The following COL6A6 variants were observed in gnomAD, a reference collection of about 807,000 sequenced individuals.
The protein encoded by COL6A6 is collagen alpha-6(VI) chain.
Under a neutral mutation model 208.6 loss-of-function variants are expected in COL6A6, and 183 were observed. That is an observed-to-expected ratio of 0.88 (90% CI 0.78 to 0.99). The LOEUF (loss-of-function observed/expected upper bound fraction) is 0.99. COL6A6 is among the 50% of genes least tolerant of loss of function. The probability of loss-of-function intolerance (pLI) is 0.00; values close to 1 mark genes in which losing one functional copy is unlikely to be tolerated. For synonymous variants in COL6A6, 973 were observed against 1,011.8 expected, an observed-to-expected ratio of 0.96 and a Z score of 0.73; for missense variants, 2,816 against 2,815.2, an observed-to-expected ratio of 1.00 and a Z score of -0.01.
intron 1 of COL6A6, among the ~76,000 whole-genome samples, chr3:130,522,172 G>C (rs936276163): frequency 2.0e-5 from 3 of 152,148 alleles, no homozygotes; most frequent in African/African-American, 7.2e-5. Context: ...TGGAATTCTT[G>C]CTTTCCACAG....
In COL6A6 at chr3:130,574,328, A is replaced by C. The variant is rs770423708; in HGVS notation, c.3350A>C (p.Glu1117Ala). Reference sequence around the variant, plus strand: ...CTTACAGATGGCCAGTCCCAAGACGAGGTGGCCCAGGCCGCGGAAGCCCTG... The same window carrying C: ...CTTACAGATGGCCAGTCCCAAGACGCGGTGGCCCAGGCCGCGGAAGCCCTG... ...LVLTDGQSQDEVAQAAEALRH... is the reference protein window; with the variant it reads ...LVLTDGQSQDAVAQAAEALRH... The change falls in exon 8 of 37, where the codon GAG becomes GCG. Residue 1117 changes from glutamate to alanine, a missense_variant. Transcript: ENST00000358511. The C allele has an allele frequency of 5.7e-5, 92 of 1,613,890 alleles. No homozygotes were observed. Among genetic ancestry groups the C allele is most frequent in the Non-Finnish European group, 7.5e-5 (89 of 1,179,894 alleles).
At chr3:130,637,651 A>G (rs2065196807) in intron 28 of COL6A6, among the ~76,000 whole-genome samples, 1 of 152,220 alleles carries the variant, frequency 6.6e-6, no homozygotes, top group Non-Finnish European at 1.5e-5. Flanking sequence ...TAAAACTTCA[A>G]CTTAAATTCT....
rs1453258881 is a variant in COL6A6, at chr3:130,592,617, G to A, written c.4344+5G>A. ...TATGGCACCAAAGGTCCTAAGGTAAGGATTGCATAAGAGTGTGGAGTTTTC... is the reference window on the plus strand; with the variant it reads ...TATGGCACCAAAGGTCCTAAGGTAAAGATTGCATAAGAGTGTGGAGTTTTC... On this transcript the variant is annotated splice_donor_5th_base_variant and intron_variant, in intron 14 of 36. Coordinates refer to ENST00000358511, the MANE Select transcript of COL6A6 (RefSeq NM_001102608.3). The A allele has an allele frequency of 1.2e-6, 2 of 1,613,310 alleles. No individual in the cohort carries two copies. Among genetic ancestry groups the A allele is most frequent in the Non-Finnish European group, 8.5e-7 (1 of 1,179,518 alleles).
chr3:130,675,585 C>T lies in COL6A6; in HGVS notation c.*188C>T, dbSNP rs140244355. 5.2e-4 allele frequency: 243 copies of T among 464,712 alleles called. No individual in the cohort carries two copies. Among genetic ancestry groups the T allele is most frequent in the African/African-American group, 3.4e-3 (177 of 51,686 alleles). The allele number at this position is 464,712 out of a possible 1,614,324, so 28.8% of individuals were successfully genotyped here. ...CACTCCTGACAATTCCAGCACTCTA[C>T]GACTGATATGTCGAAGAACTGTTTC... On this transcript the variant is annotated 3_prime_UTR_variant, in exon 37 of 37. Transcript: ENST00000358511.
rs548393396 is a variant in COL6A6 at position 130,623,807 on chromosome 3, C to T, written c.4878+1924C>T. ...GGATTAAAAATAACTCTTGGTGATG[C>T]CTCTTTGTAAGAAGTCCAAGAGGAA... On this transcript the variant is annotated intron_variant, in intron 24 of 36. Coordinates refer to ENST00000358511, the MANE Select transcript of COL6A6 (RefSeq NM_001102608.3). 5.9e-5 allele frequency among the ~76,000 whole-genome samples: 9 copies of T among 152,036 alleles called. No homozygotes were observed. The South Asian group carries it at 1.9e-3, about 32-fold the overall frequency.
At chr3:130,536,612 C>G (rs1010373575) in intron 1 of COL6A6, among the ~76,000 whole-genome samples, 14 of 152,146 alleles carry the variant, frequency 9.2e-5, no homozygotes, top group Non-Finnish European at 7.3e-5. Flanking sequence ...AAACACACAT[C>G]TAAGGAAACC....
Position 130,593,241 on chromosome 3 carries a change from G to A in COL6A6, c.4459G>A (p.Glu1487Lys). The change falls in exon 17 of 37, where the codon GAG becomes AAG. Residue 1487 changes from glutamate to lysine, a missense_variant. Glu to Lys is a moderately conservative substitution (Grantham distance 56). Coordinates refer to ENST00000358511, the MANE Select transcript of COL6A6 (RefSeq NM_001102608.3). ...TGGAAGAAAAGGAGAAAAGGGAGAT[G>A]AGGGATCTCAGGTAGGGATTTGAAA... ...LPGRKGEKGDEGSQGSPGKRG... is the reference protein window; with the variant it reads ...LPGRKGEKGDKGSQGSPGKRG... 1 of 1,612,192 alleles carries A rather than the reference G, an allele frequency of 6.2e-7. No homozygotes were observed. The highest frequency in any genetic ancestry group is 8.5e-7 in the Non-Finnish European group (1 of 1,178,280).
Position 130,568,322 on chromosome 3 carries a change from T to A in COL6A6, c.2119T>A (p.Phe707Ile). The A allele has an allele frequency of 6.2e-7, 1 of 1,613,998 alleles. No homozygotes were observed. Among genetic ancestry groups the A allele is most frequent in the Non-Finnish European group, 8.5e-7 (1 of 1,179,896 alleles). Residue 707 changes from phenylalanine (F) to isoleucine (I), a missense_variant, in exon 6 of 37, where the codon TTT becomes ATT. Physicochemically the swap from Phe to Ile is conservative, Grantham distance 21. Transcript: ENST00000358511. Reference sequence around the variant, plus strand: ...CACCCTGACTGGTAGTGCCCTGAGCTTTGTGTCTCAGTACTTCAGCCCCAC... The same window carrying A: ...CACCCTGACTGGTAGTGCCCTGAGCATTGTGTCTCAGTACTTCAGCCCCAC... ...QTTLTGSALS[F>I]VSQYFSPTKG...
At chr3:130,662,917 A>C (rs750796581) in intron 35 of COL6A6, among the ~76,000 whole-genome samples, 1 of 152,178 alleles carries the variant, frequency 6.6e-6, no homozygotes, top group Admixed American at 6.5e-5. Flanking sequence ...CATTTCTTGG[A>C]GTAAGTTTGC....
rs6800320 is a variant in COL6A6, at chr3:130,656,631, G to A, written c.5734-2045G>A. 8.8e-3 allele frequency among the ~76,000 whole-genome samples: 1,344 copies of A among 152,308 alleles called. 20 individuals carry two copies. Among genetic ancestry groups the A allele is most frequent in the African/African-American group, 0.03 (1,267 of 41,574 alleles). ...GCTTCGGGCTCCCCCTGGCTTGAAG[G>A]TGGGGTTTCACTGAGGACCCACCCC... On this transcript the variant is annotated intron_variant, in intron 33 of 36. Coordinates refer to ENST00000358511, the MANE Select transcript of COL6A6 (RefSeq NM_001102608.3).
intron 11 of COL6A6, among the ~76,000 whole-genome samples, chr3:130,586,984 C>T (rs1055782047): frequency 6.6e-6 from 1 of 152,152 alleles, no homozygotes; most frequent in Non-Finnish European, 1.5e-5. Context: ...GAGATGCGAG[C>T]GTGAATCGGC....
intron 8 of COL6A6, among the ~76,000 whole-genome samples, chr3:130,575,213 C>A (rs191910571): frequency 6.6e-6 from 1 of 152,204 alleles, no homozygotes; most frequent in Non-Finnish European, 1.5e-5. Context: ...CAGCAGATCC[C>A]TGCTCTATGG....
chr3:130,621,781 T>C (rs2064724768), intron 23 of COL6A6, 40 bp from the exon 24 acceptor site: 1 of 1,577,390 alleles, frequency 6.3e-7, no homozygotes, highest in East Asian at 2.2e-5. Context: ...AAAGTTGCTT[T>C]ATGTTTTGCT....
Position 130,600,345 on chromosome 3 carries a change from C to T in COL6A6, c.4653+535C>T, listed in dbSNP as rs2063975965. ...ATCTAGAACCAGAAATACCATTTGACCCAGCAATCCCATTACTGGGCATAT... is the reference window on the plus strand; with the variant it reads ...ATCTAGAACCAGAAATACCATTTGATCCAGCAATCCCATTACTGGGCATAT... On this transcript the variant is annotated intron_variant, in intron 20 of 36. Transcript: ENST00000358511. 2.0e-5 allele frequency among the ~76,000 whole-genome samples: 3 copies of T among 152,160 alleles called. No homozygotes were observed. In the South Asian group the frequency reaches 6.2e-4, roughly 32 times the overall value.
chr3:130,597,020 A>G (rs7622508), intron 18 of COL6A6, among the ~76,000 whole-genome samples: 10,456 of 152,206 alleles, frequency 0.069, 794 homozygotes, highest in African/African-American at 0.19. Flanking sequence ...GTCTGTATGC[A>G]ATTTGGGTTG....
At chr3:130,558,615 G>A (rs1005279062) in intron 1 of COL6A6, among the ~76,000 whole-genome samples, 1 of 152,036 alleles carries the variant, frequency 6.6e-6, no homozygotes, top group African/African-American at 2.4e-5. Flanking sequence ...ACTCAATACC[G>A]ATTTCTTCCC....
intron 3 of COL6A6, among the ~76,000 whole-genome samples, chr3:130,564,765 G>A (rs2062975803): frequency 6.6e-6 from 1 of 152,214 alleles, no homozygotes; most frequent in African/African-American, 2.4e-5. Context: ...ACAACTCTAT[G>A]AGATTAATAT....
intron 1 of COL6A6, among the ~76,000 whole-genome samples, chr3:130,546,945 A>G (rs1013521659): frequency 6.6e-6 from 1 of 152,158 alleles, no homozygotes; most frequent in Non-Finnish European, 1.5e-5. Context: ...ACAATCCTCC[A>G]GCTAGACATA....
rs1237224667 is a variant in COL6A6 at position 130,574,350 on chromosome 3, CCT to C, written c.3373_3374del (p.Leu1125GlufsTer17). On this transcript the variant is annotated frameshift_variant, in exon 8 of 37. Transcript: ENST00000358511. LOFTEE classifies it high-confidence loss of function. Reference sequence around the variant, plus strand: ...ACGAGGTGGCCCAGGCCGCGGAAGCCCTGAGACACAGAGGTATCGACATCTAC... The same window carrying C: ...ACGAGGTGGCCCAGGCCGCGGAAGCCGAGACACAGAGGTATCGACATCTAC... The part of the protein sequence containing the change: ...QDEVAQAAEA[L>X]RHRGIDIYSV... The C allele has an allele frequency of 6.2e-7, 1 of 1,613,970 alleles. No homozygotes were observed. Among genetic ancestry groups the C allele is most frequent in the Admixed American group, 1.7e-5 (1 of 60,018 alleles).
Sources: allele counts gnomAD v4.1 joint callset (sites outside exome capture counted in the v4.1 genomes callset), GRCh38; gene constraint gnomAD v4.1.1; transcripts MANE v1.5; gene names NCBI Gene and HGNC (gene_info 2026-07-23, HGNC 2026-07-21).